Variants in WDPCP observed in about 807,000 individuals in gnomAD.
WDPCP encodes WD repeat containing planar cell polarity effector.
WDPCP carries 71 observed loss-of-function variants against 93.1 expected under a neutral mutation model. The ratio of observed to expected loss-of-function variants is 0.76; its 90% CI spans 0.63 to 0.93. The LOEUF is 0.93. WDPCP is among the 40% of genes least tolerant of loss of function. The pLI is 0.00. For missense variants in WDPCP, 844 were observed against 887.4 expected (o/e 0.95, Z 0.62); for synonymous variants, 315 against 315.0 (o/e 1.00, Z 0.00).
intron 6 of WDPCP, among the ~76,000 whole-genome samples, chr2:63,472,295 T>C (rs768401992): frequency 1.3e-5 from 2 of 151,980 alleles, no homozygotes; most frequent in Non-Finnish European, 2.9e-5. Flanking sequence ...TTTTTAATCA[T>C]TGGGTCCTTT....
At chr2:63,289,621 T>C (rs1299745513) in intron 13 of WDPCP, among the ~76,000 whole-genome samples, 5 of 152,044 alleles carry the variant, frequency 3.3e-5, no homozygotes, top group African/African-American at 9.7e-5. Flanking sequence ...CCATGTAGAT[T>C]TGAAAAGAAT....
intron 2 of WDPCP, among the ~76,000 whole-genome samples, chr2:63,657,202 G>A (rs1710177005): frequency 1.1e-5 from 1 of 87,540 alleles, no homozygotes; most frequent in Admixed American, 1.4e-4. Context: ...GGTTCTGGGT[G>A]ATGTTTTTTT....
chr2:63,374,194 C>T (rs975249481), intron 12 of WDPCP, among the ~76,000 whole-genome samples: 4 of 151,992 alleles, frequency 2.6e-5, no homozygotes, highest in African/African-American at 7.2e-5. Context: ...TCTGCATGAG[C>T]TCTCAGTTAT....
At chr2:63,511,272 C>G (rs1032583785) in intron 1 of WDPCP, among the ~76,000 whole-genome samples, 3 of 152,158 alleles carry the variant, frequency 2.0e-5, no homozygotes, top group African/African-American at 7.2e-5. Flanking sequence ...GAAAAACATT[C>G]CATGCTCATG....
intron 14 of WDPCP, among the ~76,000 whole-genome samples, chr2:63,188,342 G>T (rs1674789480): frequency 6.6e-6 from 1 of 151,906 alleles, no homozygotes; most frequent in African/African-American, 2.4e-5. Flanking sequence ...CTCAGGTTCT[G>T]TTAATTTATC....
At chr2:63,546,747 C>T (rs957293633) in intron 1 of WDPCP, among the ~76,000 whole-genome samples, 28 of 151,528 alleles carry the variant, frequency 1.8e-4, no homozygotes, top group African/African-American at 6.8e-4. Context: ...AAAAATGACA[C>T]AATAAAACAA....
chr2:63,826,859 T>G (rs1410639131), intron 1 of WDPCP, among the ~76,000 whole-genome samples: 4 of 152,214 alleles, frequency 2.6e-5, no homozygotes, highest in Non-Finnish European at 5.9e-5. Flanking sequence ...TTTGAAGTTC[T>G]CTGTAAGATT....
At chr2:63,807,462 C>G (rs1227637796) in intron 2 of WDPCP, among the ~76,000 whole-genome samples, 3 of 152,174 alleles carry the variant, frequency 2.0e-5, no homozygotes, top group Non-Finnish European at 2.9e-5. Context: ...AGCTTCTGGC[C>G]CTTACCAGAA....
chr2:63,710,888 A>T (rs570805884), intron 2 of WDPCP, among the ~76,000 whole-genome samples: 1 of 152,332 alleles, frequency 6.6e-6, no homozygotes, highest in South Asian at 2.1e-4. Context: ...GATCTATTTC[A>T]TCCTGGACTT....
In WDPCP at chr2:63,567,762, TTC is replaced by T. The variant is rs573120357; in HGVS notation, c.75+20433_75+20434del. 7.2e-5 allele frequency among the ~76,000 whole-genome samples: 11 copies of T among 152,328 alleles called. No homozygotes were observed. In the East Asian group the frequency reaches 2.1e-3, roughly 29 times the overall value. On this transcript the variant is annotated intron_variant, in intron 1 of 17. Transcript: ENST00000272321. ...ATTTGTGTATTTTTTTTGATCTTTATTCTCTGTTAGACTCTGATGTTTCTTAA... is the reference window on the plus strand; with the variant it reads ...ATTTGTGTATTTTTTTTGATCTTTATTCTGTTAGACTCTGATGTTTCTTAA...
chr2:63,353,848 A>G (rs773300515), intron 12 of WDPCP, among the ~76,000 whole-genome samples: 8 of 152,122 alleles, frequency 5.3e-5, no homozygotes, highest in Non-Finnish European at 8.8e-5. Context: ...GGACGGGAGC[A>G]GGCCCCCAGA....
chr2:63,492,151 T>C (rs867786779), intron 2 of WDPCP, among the ~76,000 whole-genome samples: 1 of 152,192 alleles, frequency 6.6e-6, no homozygotes, highest in South Asian at 2.1e-4. Flanking sequence ...AGGTAAATCA[T>C]TTTCTTAGTA....
At chr2:63,237,247 A>G (rs1478180926) in intron 14 of WDPCP, among the ~76,000 whole-genome samples, 1 of 152,180 alleles carries the variant, frequency 6.6e-6, no homozygotes, top group African/African-American at 2.4e-5. Flanking sequence ...ATCATTAATC[A>G]TCAGAGGAAT....
intron 13 of WDPCP, among the ~76,000 whole-genome samples, chr2:63,276,825 C>T (rs1245282215): frequency 6.6e-6 from 1 of 152,182 alleles, no homozygotes; most frequent in Non-Finnish European, 1.5e-5. Context: ...TCGAGGAAAA[C>T]TTCCTTAGCC....
chr2:63,668,968 G>A (rs1401178684), intron 2 of WDPCP, among the ~76,000 whole-genome samples: 1 of 152,152 alleles, frequency 6.6e-6, no homozygotes, highest in Non-Finnish European at 1.5e-5. Flanking sequence ...CAGGATTTGG[G>A]AACTACTGCC....
At chr2:63,609,784 G>T (rs533149940) in intron 3 of WDPCP, among the ~76,000 whole-genome samples, 1 of 151,894 alleles carries the variant, frequency 6.6e-6, no homozygotes, top group South Asian at 2.1e-4. Context: ...AGGTGGGAGG[G>T]TCGCTTGAAC....
chr2:63,350,431 G>C (rs1316703841), intron 12 of WDPCP, among the ~76,000 whole-genome samples: 1 of 147,686 alleles, frequency 6.8e-6, no homozygotes, highest in African/African-American at 2.5e-5. Context: ...CTAGAACTTA[G>C]AGTATAAAAA....
intron 10 of WDPCP, among the ~76,000 whole-genome samples, chr2:63,395,111 T>C (rs924440714): frequency 6.6e-6 from 1 of 152,132 alleles, no homozygotes; most frequent in African/African-American, 2.4e-5. Flanking sequence ...CAGAAATACA[T>C]ACTAACGTTG....
chr2:63,291,599 A>G (rs1364226115), intron 13 of WDPCP, among the ~76,000 whole-genome samples: 2 of 152,176 alleles, frequency 1.3e-5, no homozygotes, highest in Admixed American at 6.5e-5. Flanking sequence ...TCTTAAGGCC[A>G]GGAGTTTGAG....
Sources: gnomAD v4.1 joint callset for allele counts (sites outside exome capture counted in the v4.1 genomes callset) on GRCh38, gnomAD v4.1.1 for gene constraint, MANE v1.5 for transcripts, NCBI Gene and HGNC (gene_info 2026-07-23, HGNC 2026-07-21) for gene names.